The following MSRA variants were observed in gnomAD, a reference collection of about 807,000 sequenced individuals.
MSRA encodes mitochondrial peptide methionine sulfoxide reductase.
Under a neutral mutation model 31.3 loss-of-function variants are expected in MSRA, and 54 were observed. The observed-to-expected ratio is 1.73, with a 90% CI of 1.39 to 2.17. The LOEUF is 2.17. Among genes scored for constraint, MSRA ranks in the 30% most tolerant of loss-of-function variants. The pLI is 0.00. For synonymous variants in MSRA, 169 were observed against 116.5 expected (o/e 1.45, Z -2.90); for missense variants, 507 against 300.9 (o/e 1.69, Z -5.07).
chr8:10,054,934 C>A (rs1440911622), intron 1 of MSRA, among the ~76,000 whole-genome samples: 1 of 152,236 alleles, frequency 6.6e-6, no homozygotes, highest in Non-Finnish European at 1.5e-5. Context: ...ACCCGGAGTG[C>A]ATACCGTCGC....
intron 1 of MSRA, 69 bp downstream of exon 1, chr8:10,054,727 G>A (rs565337064): frequency 3.6e-6 from 5 of 1,391,032 alleles, no homozygotes; most frequent in South Asian, 3.4e-5. Context: ...CGGCGGCAGC[G>A]CGCCCGCTGC....
In MSRA at chr8:10,245,166, C is replaced by A. The variant is rs1436178461; in HGVS notation, c.274C>A (p.Gln92Lys). 1 of 1,613,416 alleles carries A rather than the reference C, an allele frequency of 6.2e-7. No homozygotes were observed. Among genetic ancestry groups the A allele is most frequent in the African/African-American group, 1.3e-5 (1 of 74,812 alleles). The stretch of plus-strand genomic sequence containing the variant: ...GGTCTTGAAAGGAGTGTATTCAACT[C>A]AAGTTGGTTTTGCAGGAGGCTATAC... Reference protein sequence around the residue: ...FWVLKGVYSTQVGFAGGYTSN... With the variant: ...FWVLKGVYSTKVGFAGGYTSN... Residue 92 changes from glutamine (Q) to lysine (K), a missense_variant, in exon 3 of 6, where the codon CAA becomes AAA. By Grantham distance (53) the Gln-to-Lys change is moderately conservative. Coordinates refer to ENST00000317173, the MANE Select transcript of MSRA (RefSeq NM_012331.5).
intron 5 of MSRA, among the ~76,000 whole-genome samples, chr8:10,427,623 C>G (rs1809263436): frequency 6.6e-6 from 1 of 152,156 alleles, no homozygotes; most frequent in South Asian, 2.1e-4. Context: ...TGGGAGTGGG[C>G]TGGGGTCCTG....
chr8:10,159,317 G>T (rs528197964), intron 1 of MSRA, among the ~76,000 whole-genome samples: 1 of 152,162 alleles, frequency 6.6e-6, no homozygotes, highest in Non-Finnish European at 1.5e-5. Context: ...TGCAGATCTG[G>T]AGGGGTTGAG....
At chr8:10,264,576 G>T (rs1798648568) in intron 3 of MSRA, among the ~76,000 whole-genome samples, 1 of 152,212 alleles carries the variant, frequency 6.6e-6, no homozygotes, top group Non-Finnish European at 1.5e-5. Context: ...GTGCAACAGG[G>T]AGCTGGCTGT....
chr8:10,273,813 A>G (rs1166492625), intron 3 of MSRA, among the ~76,000 whole-genome samples: 1 of 152,178 alleles, frequency 6.6e-6, no homozygotes, highest in African/African-American at 2.4e-5. Flanking sequence ...AATTACTTCA[A>G]GCAGAACCTG....
At chr8:10,282,643 C>T (rs922077156) in intron 3 of MSRA, among the ~76,000 whole-genome samples, 2 of 152,046 alleles carry the variant, frequency 1.3e-5, no homozygotes, top group Non-Finnish European at 1.5e-5. Flanking sequence ...TGAGTGGTGG[C>T]GATATGAGCT....
At chr8:10,242,441 G>A (rs905327640) in intron 2 of MSRA, among the ~76,000 whole-genome samples, 1 of 152,192 alleles carries the variant, frequency 6.6e-6, no homozygotes, top group Non-Finnish European at 1.5e-5. Context: ...GGATTGGAGT[G>A]TAGCACACAG....
At chr8:10,265,873 T>C (rs1312211906) in intron 3 of MSRA, among the ~76,000 whole-genome samples, 2 of 152,230 alleles carry the variant, frequency 1.3e-5, no homozygotes, top group South Asian at 2.1e-4. Flanking sequence ...AGATTTCTTT[T>C]TGTGCCTGGC....
In MSRA at chr8:10,183,362, C is replaced by T. The variant is rs182151335; in HGVS notation, c.143-24471C>T. ...ACTTACGGCCTCTGTTTGCCAGGGG[C>T]TAAGTGTGATAATGGGTCAGAAAGT... On this transcript the variant is annotated intron_variant, in intron 1 of 5. Transcript: ENST00000317173. 2.6e-5 allele frequency among the ~76,000 whole-genome samples: 4 copies of T among 152,188 alleles called. No individual in the cohort carries two copies. In the East Asian group the frequency reaches 5.8e-4, roughly 22 times the overall value.
intron 2 of MSRA, among the ~76,000 whole-genome samples, chr8:10,225,358 G>C (rs1321636269): frequency 6.6e-6 from 1 of 152,150 alleles, no homozygotes; most frequent in Admixed American, 6.5e-5. Flanking sequence ...TATGATTAGA[G>C]ATTGAATGGA....
At chr8:10,130,668 T>G (rs556363796) in intron 1 of MSRA, among the ~76,000 whole-genome samples, 5 of 152,258 alleles carry the variant, frequency 3.3e-5, no homozygotes, top group African/African-American at 7.2e-5. Context: ...CTTTTGAAAT[T>G]ACATAGGGAA....
intron 5 of MSRA, among the ~76,000 whole-genome samples, chr8:10,327,946 C>CAAA (rs965943862): frequency 1.0e-4 from 15 of 149,060 alleles, no homozygotes; most frequent in Admixed American, 7.4e-4. Context: ...ACAACAACAA[C>CAAA]AAAAAAACCT....
chr8:10,070,626 T>C (rs1585083825), intron 1 of MSRA, among the ~76,000 whole-genome samples: 1 of 152,334 alleles, frequency 6.6e-6, no homozygotes, highest in African/African-American at 2.4e-5. Flanking sequence ...TTCCTTGTGC[T>C]GCATTTTTAT....
At chr8:10,282,355 A>G (rs2952205) in intron 3 of MSRA, among the ~76,000 whole-genome samples, 62,688 of 152,078 alleles carry the variant, frequency 0.41, 13,365 homozygotes, top group Admixed American at 0.53. Context: ...TCATCAAGCT[A>G]TTTTGATCGC....
chr8:10,313,421 A>G (rs1270590938), intron 4 of MSRA, among the ~76,000 whole-genome samples: 2 of 151,922 alleles, frequency 1.3e-5, no homozygotes, highest in African/African-American at 2.4e-5. Context: ...GGGTTTACTT[A>G]TTTACCAGGA....
chr8:10,107,378 ATCTCCTTT>A (rs1799959265), intron 1 of MSRA, among the ~76,000 whole-genome samples: 1 of 151,974 alleles, frequency 6.6e-6, no homozygotes, highest in Non-Finnish European at 1.5e-5. Flanking sequence ...ACCGATGAAA[ATCTCCTTT>A]TCTGACCTCC....
intron 5 of MSRA, among the ~76,000 whole-genome samples, chr8:10,365,863 C>G (rs1174017835): frequency 6.6e-6 from 1 of 152,178 alleles, no homozygotes; most frequent in Admixed American, 6.5e-5. Context: ...TGCTGTGAAC[C>G]CAGGACTCCT....
At chr8:10,317,877 T>TG (rs1204422537) in intron 4 of MSRA, among the ~76,000 whole-genome samples, 2 of 152,298 alleles carry the variant, frequency 1.3e-5, no homozygotes, top group African/African-American at 4.8e-5. Context: ...CTGTAGCTCA[T>TG]GGGAGTCTGA....
Sources: allele counts gnomAD v4.1 joint callset (sites outside exome capture counted in the v4.1 genomes callset), GRCh38; gene constraint gnomAD v4.1.1; transcripts MANE v1.5; gene names NCBI Gene and HGNC (gene_info 2026-07-23, HGNC 2026-07-21).